MAML1: variants seen among roughly 807,000 people sequenced by gnomAD.
The protein encoded by MAML1 is mastermind-like protein 1.
In MAML1, 14 loss-of-function variants were observed where a neutral mutation model predicts 77.1. That is an observed-to-expected ratio of 0.18 (90% CI 0.12 to 0.28). The LOEUF (loss-of-function observed/expected upper bound fraction) is 0.28, where lower values mean the gene tolerates loss of function less well. MAML1 is among the 10% of genes least tolerant of loss of function. The pLI is 1.00. For missense variants in MAML1, 1,217 were observed against 1,327.8 expected, an observed-to-expected ratio of 0.92 and a Z score of 1.30; for synonymous variants, 516 against 551.9, an observed-to-expected ratio of 0.93 and a Z score of 0.91.
intron 4 of MAML1, among the ~76,000 whole-genome samples, chr5:179,772,525 TG>T (rs1252804405): frequency 6.6e-6 from 1 of 152,180 alleles, no homozygotes; most frequent in African/African-American, 2.4e-5. Context: ...ATTCAGTTAA[TG>T]GTGTTGTCAT....
intron 1 of MAML1, among the ~76,000 whole-genome samples, chr5:179,747,295 T>G (rs1304551378): frequency 6.6e-6 from 1 of 152,194 alleles, no homozygotes; most frequent in Non-Finnish European, 1.5e-5. Context: ...AATGGTATTA[T>G]AGAAGGTGCT....
Position 179,765,970 on chromosome 5 carries a change from G to A in MAML1, c.960G>A (p.Gly320=), listed in dbSNP as rs775086037. 9 of 1,613,780 alleles carry A rather than the reference G, an allele frequency of 5.6e-6. No homozygotes were observed. In the East Asian group the frequency reaches 2.0e-4, roughly 36 times the overall value. The change falls in exon 2 of 5, where the codon GGG becomes GGA. Residue 320 remains glycine (G), a synonymous_variant. Coordinates refer to ENST00000292599, the MANE Select transcript of MAML1 (RefSeq NM_014757.5). The part of the protein sequence containing the change: ...EQLGSPQVRA[G]SAGQTFLGPS... ...TAGGCTCTCCACAAGTGAGGGCCGGGTCTGCAGGGCAGACCTTTCTGGGGC... is the reference window on the plus strand; with the variant it reads ...TAGGCTCTCCACAAGTGAGGGCCGGATCTGCAGGGCAGACCTTTCTGGGGC...
Position 179,733,230 on chromosome 5 carries a change from C to A in MAML1, c.118C>A (p.Arg40Ser). 6.8e-7 allele frequency: 1 copy of A among 1,476,756 alleles called. No individual in the cohort carries two copies. The highest frequency in any genetic ancestry group is 1.3e-5 in the South Asian group (1 of 79,852). 91.5% of individuals were successfully genotyped at this position (1,476,756 alleles called of 1,614,324 possible). A position where few individuals can be genotyped will look rare whatever the true frequency, so the allele number is the denominator to read the frequency against. Residue 40 changes from arginine (R) to serine (S), a missense_variant, in exon 1 of 5, where the codon CGC becomes AGC. Arg to Ser is a moderately radical substitution (Grantham distance 110). Around this residue, in one of 3 missense-constraint regions of MAML1, gnomAD observed 312 missense variants for 331.4 expected, o/e 0.94. Transcript: ENST00000292599. The stretch of plus-strand genomic sequence containing the variant: ...GCGCCACCACAGCACCTGCGAGGCC[C>A]GCTACGAGGCCGTGTCGCCCGAGCG... ...CRRHHSTCEA[R>S]YEAVSPERLE...
At chr5:179,736,897 G>T (rs558792315) in intron 1 of MAML1, among the ~76,000 whole-genome samples, 358 of 151,764 alleles carry the variant, frequency 2.4e-3, no homozygotes, top group Admixed American at 4.2e-3. Flanking sequence ...GGAGACGGAG[G>T]TTACAGTGAG....
At chr5:179,770,401 C>T (rs555411634) in intron 3 of MAML1, among the ~76,000 whole-genome samples, 4 of 152,052 alleles carry the variant, frequency 2.6e-5, no homozygotes, top group African/African-American at 7.2e-5. Context: ...GAGCAGAGAT[C>T]GCGCCACTGC....
intron 1 of MAML1, among the ~76,000 whole-genome samples, chr5:179,753,183 TAG>T (rs1491211455): frequency 2.7e-4 from 29 of 109,068 alleles, no homozygotes; most frequent in South Asian, 1.0e-3. Context: ...TGCTATTTTT[TAG>T]TGTGTGTGTG....
Position 179,777,073 on chromosome 5 carries a change from T to A in MAML1, c.*2196T>A. 2 of 984,406 alleles carry A rather than the reference T, an allele frequency of 2.0e-6. No homozygotes were observed. The allele number at this position is 984,406 out of a possible 1,614,324, so 61.0% of individuals were successfully genotyped here. ...TTTACTTTTATAGATTTTAAAACTA[T>A]GATCCTTTATATGTGTGTTTTGGGG... is the stretch of plus-strand genomic sequence containing the variant. On this transcript the variant is annotated 3_prime_UTR_variant, in exon 5 of 5. Coordinates refer to ENST00000292599, the MANE Select transcript of MAML1 (RefSeq NM_014757.5).
Position 179,776,723 on chromosome 5 carries a change from C to T in MAML1, c.*1846C>T, listed in dbSNP as rs959373925. ...CTGCCCCGTCTCCCACCCCTGTCCC[C>T]GGGGCTCGCTGGCCCTGCACTCCGC... is the stretch of plus-strand genomic sequence containing the variant. On this transcript the variant is annotated 3_prime_UTR_variant, in exon 5 of 5. Coordinates refer to ENST00000292599, the MANE Select transcript of MAML1 (RefSeq NM_014757.5). 4.3e-5 allele frequency: 42 copies of T among 985,812 alleles called. No individual in the cohort carries two copies. Among genetic ancestry groups the T allele is most frequent in the Non-Finnish European group, 4.7e-5 (39 of 830,020 alleles). 61.1% of individuals were successfully genotyped at this position (985,812 alleles called of 1,614,324 possible). A position where few individuals can be genotyped will look rare whatever the true frequency, so the allele number is the denominator to read the frequency against.
chr5:179,752,350 A>T (rs71596441), intron 1 of MAML1, among the ~76,000 whole-genome samples: 34,887 of 65,500 alleles, frequency 0.53, 10,185 homozygotes, highest in South Asian at 0.71. Flanking sequence ...AAAAAAAAAA[A>T]ATATATATAT....
At position 179,752,350 on chromosome 5, in the gene MAML1, A is replaced by AATATATATATATAT. The variant is rs1554150145; in HGVS notation, c.316-12973_316-12960dup. On this transcript the variant is annotated intron_variant, in intron 1 of 4. Transcript: ENST00000292599. The stretch of plus-strand genomic sequence containing the variant: ...CAAAAAAAAAAAAAAAAAAAAAAAA[A>AATATATATATATAT]ATATATATATATATATGGTTAAATA... 4.8e-3 allele frequency among the ~76,000 whole-genome samples: 320 copies of AATATATATATATAT among 66,620 alleles called. 4 individuals carry two copies. Among genetic ancestry groups the AATATATATATATAT allele is most frequent in the East Asian group, 7.9e-3 (19 of 2,418 alleles). The allele number at this position is 66,620 out of a possible 152,430, so 43.7% of individuals were successfully genotyped here. A position where few individuals can be genotyped will look rare whatever the true frequency, so the allele number is the denominator to read the frequency against.
intron 1 of MAML1, among the ~76,000 whole-genome samples, chr5:179,755,699 G>A (rs1779598397): frequency 6.7e-6 from 1 of 149,908 alleles, no homozygotes; most frequent in Non-Finnish European, 1.5e-5. Flanking sequence ...TTTATGCATG[G>A]ACCTTTTTTT....
At chr5:179,750,916 C>G (rs1485439841) in intron 1 of MAML1, among the ~76,000 whole-genome samples, 1 of 152,220 alleles carries the variant, frequency 6.6e-6, no homozygotes, top group African/African-American at 2.4e-5. Flanking sequence ...CTGCTGGGCC[C>G]AGGCGGCAGG....
rs1318050289 is a variant in MAML1 at position 179,733,328 on chromosome 5, G to A, written c.216G>A (p.Gly72=). 2 of 1,370,412 alleles carry A rather than the reference G, an allele frequency of 1.5e-6. No individual in the cohort carries two copies. The highest frequency in any genetic ancestry group is 1.9e-6 in the Non-Finnish European group (2 of 1,053,826). 84.9% of individuals were successfully genotyped at this position (1,370,412 alleles called of 1,614,324 possible). The change falls in exon 1 of 5, where the codon GGG becomes GGA. Residue 72 remains glycine, a synonymous_variant. Transcript: ENST00000292599. ...RCIQAKAKRA[G]KHRQPPAATA... ...TCCAGGCCAAGGCCAAGCGCGCCGG[G>A]AAGCACAGGCAGCCGCCCGCCGCCA... is the stretch of plus-strand genomic sequence containing the variant.
intron 1 of MAML1, among the ~76,000 whole-genome samples, chr5:179,757,756 C>A (rs1779649541): frequency 6.6e-6 from 1 of 152,178 alleles, no homozygotes; most frequent in Admixed American, 6.5e-5. Flanking sequence ...ATTGGTTTTT[C>A]TCTAGTGAAG....
Position 179,755,992 on chromosome 5 carries a change from C to G in MAML1, c.316-9334C>G, listed in dbSNP as rs558257085. Reference sequence around the variant, plus strand: ...TGTTGGCCAGGCTGGTCTCGAACTCCTGACCTCGTGATCCACCTGCCTCAG... The same window carrying G: ...TGTTGGCCAGGCTGGTCTCGAACTCGTGACCTCGTGATCCACCTGCCTCAG... On this transcript the variant is annotated intron_variant, in intron 1 of 4. Transcript: ENST00000292599. Among the ~76,000 whole-genome samples, 48 of 151,532 alleles carry G rather than the reference C, an allele frequency of 3.2e-4. 1 individual carries two copies. Among genetic ancestry groups the G allele is most frequent in the African/African-American group, 9.9e-4 (41 of 41,356 alleles).
rs148455396 is a variant in MAML1, at chr5:179,765,718, G to A, written c.708G>A (p.Ser236=). Residue 236 remains serine, a synonymous_variant, in exon 2 of 5, where the codon TCG becomes TCA. Coordinates refer to ENST00000292599, the MANE Select transcript of MAML1 (RefSeq NM_014757.5). ...TCACTGGGACTGTCGGCTCCATATCGCAAAGCAACCTCATGCCAGACCTCA... is the reference window on the plus strand; with the variant it reads ...TCACTGGGACTGTCGGCTCCATATCACAAAGCAACCTCATGCCAGACCTCA... ...CMITGTVGSI[S]QSNLMPDLNL... 3 of 1,613,788 alleles carry A rather than the reference G, an allele frequency of 1.9e-6. No homozygotes were observed. Among genetic ancestry groups the A allele is most frequent in the South Asian group, 1.1e-5 (1 of 91,064 alleles).
chr5:179,753,662 T>TTA (rs1368000134), intron 1 of MAML1, among the ~76,000 whole-genome samples: 2 of 136,562 alleles, frequency 1.5e-5, no homozygotes, highest in East Asian at 2.3e-4. Flanking sequence ...TTATTTTTTT[T>TTA]TTTTTTTTTT....
chr5:179,777,178 A>G lies in MAML1; in HGVS notation c.*2301A>G. 1 of 981,508 alleles carries G rather than the reference A, an allele frequency of 1.0e-6. No homozygotes were observed. The highest frequency in any genetic ancestry group is 1.2e-6 in the Non-Finnish European group (1 of 826,106). 60.8% of individuals were successfully genotyped at this position (981,508 alleles called of 1,614,324 possible). A position where few individuals can be genotyped will look rare whatever the true frequency, so the allele number is the denominator to read the frequency against. Reference sequence around the variant, plus strand: ...TCAAAAGTTCATAAAAGTCCTATTAATCCCCATATTCTTCTACTGCCCTTA... The same window carrying G: ...TCAAAAGTTCATAAAAGTCCTATTAGTCCCCATATTCTTCTACTGCCCTTA... On this transcript the variant is annotated 3_prime_UTR_variant, in exon 5 of 5. Transcript: ENST00000292599.
At chr5:179,753,652 TTA>T (rs142734525) in intron 1 of MAML1, among the ~76,000 whole-genome samples, 1 of 39,804 alleles carries the variant, frequency 2.5e-5, no homozygotes, top group East Asian at 6.7e-4. Flanking sequence ...ATTATTATTA[TTA>T]TTTTTTTTTT....
Sources: gnomAD v4.1 joint callset for allele counts (sites outside exome capture counted in the v4.1 genomes callset) on GRCh38, gnomAD v4.1.1 for gene constraint, gnomAD v4.1.1 regional missense constraint, MANE v1.5 for transcripts, NCBI Gene and HGNC (gene_info 2026-07-23, HGNC 2026-07-21) for gene names.